FOXF2: variants seen among roughly 807,000 people sequenced by gnomAD.
The protein encoded by FOXF2 is forkhead box F2.
FOXF2 carries 15 observed loss-of-function variants against 29.1 expected under a neutral mutation model. The observed-to-expected ratio is 0.52, with a 90% confidence interval of 0.35 to 0.79. The LOEUF (loss-of-function observed/expected upper bound fraction) is 0.79, where lower values mean the gene tolerates loss of function less well. FOXF2 is among the 30% of genes least tolerant of loss of function. The pLI is 0.01. For missense variants in FOXF2, 675 were observed against 667.1 expected (o/e 1.01, Z -0.13); for synonymous variants, 337 against 316.5 (o/e 1.06, Z -0.69).
intron 1 of FOXF2, among the ~76,000 whole-genome samples, chr6:1,393,511 T>C (rs1758838397): frequency 6.6e-6 from 1 of 151,986 alleles, no homozygotes; most frequent in Non-Finnish European, 1.5e-5. Flanking sequence ...GGCAGCTGCG[T>C]TAGCGCAGCG....
Position 1,395,186 on chromosome 6 carries a change from G to GA in FOXF2, c.*333dup, listed in dbSNP as rs1308695843. On this transcript the variant is annotated 3_prime_UTR_variant, in exon 2 of 2. Transcript: ENST00000645481. The stretch of plus-strand genomic sequence containing the variant: ...TCGTTGCCTTCAGTAATCAGGGTGT[G>GA]AAAAAAGCAGACAAGTTGTGTGTGT... The GA allele has an allele frequency of 1.6e-5, 6 of 378,448 alleles. No homozygotes were observed. Among genetic ancestry groups the GA allele is most frequent in the Non-Finnish European group, 3.0e-5 (6 of 202,140 alleles). The allele number at this position is 378,448 out of a possible 1,614,324, so 23.4% of individuals were successfully genotyped here.
rs1351080863 is a variant in FOXF2, at chr6:1,390,231, T to G, written c.284T>G (p.Leu95Arg). ...SGGAKKASSGLRRPEKPPYSY... is the reference protein window; with the variant it reads ...SGGAKKASSGRRRPEKPPYSY... Reference sequence around the variant, plus strand: ...GGCGCCAAGAAGGCGAGCTCGGGGCTGCGGCGGCCCGAGAAGCCGCCCTAC... The same window carrying G: ...GGCGCCAAGAAGGCGAGCTCGGGGCGGCGGCGGCCCGAGAAGCCGCCCTAC... Residue 95 changes from leucine to arginine, a missense_variant, in exon 1 of 2, where the codon CTG becomes CGG. This residue lies in a region of FOXF2 where 220 missense variants were observed against 205.5 expected (regional missense o/e 1.07). Transcript: ENST00000645481. The surrounding 1 kb of genome is among the most constrained non-coding windows in gnomAD (Gnocchi z 8.5). 2.5e-6 allele frequency: 4 copies of G among 1,598,210 alleles called. No individual in the cohort carries two copies. In the Admixed American group the frequency reaches 6.8e-5, roughly 27 times the overall value.
Position 1,390,188 on chromosome 6 carries a change from G to A in FOXF2, c.241G>A (p.Ala81Thr). Residue 81 changes from alanine (A) to threonine (T), a missense_variant, in exon 1 of 2, where the codon GCG (alanine) becomes ACG (threonine). Ala to Thr is a moderately conservative substitution (Grantham distance 58). Around this residue, in one of 3 missense-constraint regions of FOXF2, gnomAD observed 220 missense variants for 205.5 expected, o/e 1.07. Coordinates refer to ENST00000645481, the MANE Select transcript of FOXF2 (RefSeq NM_001452.2). The surrounding 1 kb of genome is among the most constrained non-coding windows in gnomAD (Gnocchi z 8.5). ...CTGCAAGAGCGCGGGCGGCGGCGGC[G>A]CGGGCGCCGGGAGCGGGGGCGCCAA... is the stretch of plus-strand genomic sequence containing the variant. ...AACKSAGGGG[A>T]GAGSGGAKKA... 6.8e-7 allele frequency: 1 copy of A among 1,474,016 alleles called. No individual in the cohort carries two copies. The highest frequency in any genetic ancestry group is 9.0e-7 in the Non-Finnish European group (1 of 1,115,840). 91.3% of individuals were successfully genotyped at this position (1,474,016 alleles called of 1,614,324 possible). A position where few individuals can be genotyped will look rare whatever the true frequency, so the allele number is the denominator to read the frequency against.
In FOXF2 at chr6:1,390,334, C is replaced by T; in HGVS notation, c.387C>T (p.Phe129=). 5 of 1,613,344 alleles carry T rather than the reference C, an allele frequency of 3.1e-6. No individual in the cohort carries two copies. Among genetic ancestry groups the T allele is most frequent in the South Asian group, 2.2e-5 (2 of 91,084 alleles). The stretch of plus-strand genomic sequence containing the variant: ...TGACGCTCAGCGAGATCTACCAGTT[C>T]CTGCAGGCGCGCTTCCCCTTCTTCC... ...KRLTLSEIYQ[F]LQARFPFFRG... is the part of the protein sequence containing the mutation. The change falls in exon 1 of 2, where the codon TTC becomes TTT. Residue 129 remains phenylalanine (F), a synonymous_variant. Coordinates refer to ENST00000645481, the MANE Select transcript of FOXF2 (RefSeq NM_001452.2). The surrounding 1 kb of genome is among the most constrained non-coding windows in gnomAD (Gnocchi z 8.5).
intron 1 of FOXF2, among the ~76,000 whole-genome samples, chr6:1,391,475 C>T (rs1325577681): frequency 6.6e-6 from 1 of 152,230 alleles, no homozygotes; most frequent in Admixed American, 6.5e-5. Flanking sequence ...CTTTGGGGAA[C>T]TTGGTCAGGA....
rs1758736643 is a variant in FOXF2, at chr6:1,389,918, T to A, written c.-30T>A. 22 of 875,714 alleles carry A rather than the reference T, an allele frequency of 2.5e-5. No homozygotes were observed. The highest frequency in any genetic ancestry group is 3.0e-5 in the Non-Finnish European group (22 of 734,078). 54.2% of individuals were successfully genotyped at this position (875,714 alleles called of 1,614,324 possible). ...TCCGCTTCCCGCCCGGGGCCCGCCC[T>A]CGCGGCCCGGCCTCGCTCCCGGGTC... On this transcript the variant is annotated 5_prime_UTR_variant, in exon 1 of 2. Transcript: ENST00000645481.
chr6:1,393,442 C>A (rs1243730150), intron 1 of FOXF2, among the ~76,000 whole-genome samples: 1 of 151,934 alleles, frequency 6.6e-6, no homozygotes, highest in East Asian at 1.9e-4. Flanking sequence ...TGCTTTAACG[C>A]GACGAGGGAA....
Position 1,395,081 on chromosome 6 carries a change from G to A in FOXF2, c.*222G>A, listed in dbSNP as rs999415655. The A allele has an allele frequency of 1.5e-5, 9 of 582,572 alleles. No homozygotes were observed. The highest frequency in any genetic ancestry group is 1.2e-4 in the Admixed American group (4 of 34,172). The allele number at this position is 582,572 out of a possible 1,614,324, so 36.1% of individuals were successfully genotyped here. ...GCGTTCCCCAATCTGAATACCTGCA[G>A]GCTCCCACATGAGGGAGAGGGCAGA... On this transcript the variant is annotated 3_prime_UTR_variant, in exon 2 of 2. Coordinates refer to ENST00000645481, the MANE Select transcript of FOXF2 (RefSeq NM_001452.2).
rs1758765201 is a variant in FOXF2 at position 1,390,661 on chromosome 6, C to T, written c.714C>T (p.His238=). The part of the protein sequence containing the change: ...QAPPSAPLGC[H]SQGGYGGLDM... ...CCCCGTCGGCGCCGCTCGGCTGCCACAGCCAGGGCGGCTACGGCGGCCTCG... is the reference window on the plus strand; with the variant it reads ...CCCCGTCGGCGCCGCTCGGCTGCCATAGCCAGGGCGGCTACGGCGGCCTCG... Residue 238 remains histidine, a synonymous_variant, in exon 1 of 2, where the codon CAC becomes CAT. Transcript: ENST00000645481. The surrounding 1 kb of genome is among the most constrained non-coding windows in gnomAD (Gnocchi z 8.5). 1 of 1,559,388 alleles carries T rather than the reference C, an allele frequency of 6.4e-7. No homozygotes were observed. The highest frequency in any genetic ancestry group is 1.2e-5 in the South Asian group (1 of 86,834).
In FOXF2 at chr6:1,390,070, C is replaced by A. The variant is rs745564988; in HGVS notation, c.123C>A (p.Ala41=). ...CCGCCGCCGCCGCCGCCGCCGCCGC[C>A]CCGGAGACCACCTCCTCCTCCTCGT... ...PPAAAAAAAA[A]PETTSSSSSS... The change falls in exon 1 of 2, where the codon GCC becomes GCA. Residue 41 remains alanine (A), a synonymous_variant. Transcript: ENST00000645481. The surrounding 1 kb of genome is among the most constrained non-coding windows in gnomAD (Gnocchi z 8.5). The A allele has an allele frequency of 2.9e-6, 4 of 1,397,684 alleles. No homozygotes were observed. In the African/African-American group the frequency reaches 4.5e-5, roughly 16 times the overall value. The allele number at this position is 1,397,684 out of a possible 1,614,324, so 86.6% of individuals were successfully genotyped here.
At chr6:1,393,312 T>G (rs1758832615) in intron 1 of FOXF2, among the ~76,000 whole-genome samples, 1 of 151,992 alleles carries the variant, frequency 6.6e-6, no homozygotes, top group African/African-American at 2.4e-5. Flanking sequence ...GAGCTCGGGC[T>G]TCTGTCATCC....
intron 1 of FOXF2, among the ~76,000 whole-genome samples, chr6:1,392,065 G>C (rs1333165616): frequency 6.6e-6 from 1 of 152,108 alleles, no homozygotes; most frequent in African/African-American, 2.4e-5. Flanking sequence ...CCAGTCAAAG[G>C]CAAGGCCCCA....
In FOXF2 at chr6:1,395,055, A is replaced by G. The variant is rs543498688; in HGVS notation, c.*196A>G. 1.3e-4 allele frequency: 77 copies of G among 615,814 alleles called. No homozygotes were observed. Among genetic ancestry groups the G allele is most frequent in the Non-Finnish European group, 2.0e-4 (71 of 348,444 alleles). The allele number at this position is 615,814 out of a possible 1,614,324, so 38.1% of individuals were successfully genotyped here. ...GAAGAAGGACAACCGCTGGCAAGGT[A>G]GCGTTCCCCAATCTGAATACCTGCA... On this transcript the variant is annotated 3_prime_UTR_variant, in exon 2 of 2. Transcript: ENST00000645481.
intron 1 of FOXF2, 71 bp downstream of exon 1, chr6:1,391,189 C>T: frequency 1.3e-6 from 2 of 1,577,970 alleles, no homozygotes; most frequent in Non-Finnish European, 1.7e-6. Context: ...GCGGCCACTG[C>T]CACTCCCACA....
In FOXF2 at chr6:1,390,066, C is replaced by A; in HGVS notation, c.119C>A (p.Ala40Asp). 1 of 1,401,346 alleles carries A rather than the reference C, an allele frequency of 7.1e-7. No homozygotes were observed. The highest frequency in any genetic ancestry group is 9.3e-7 in the Non-Finnish European group (1 of 1,073,584). The allele number at this position is 1,401,346 out of a possible 1,614,324, so 86.8% of individuals were successfully genotyped here. A position where few individuals can be genotyped will look rare whatever the true frequency, so the allele number is the denominator to read the frequency against. Residue 40 changes from alanine to aspartate, a missense_variant, in exon 1 of 2, where the codon GCC becomes GAC. Coordinates refer to ENST00000645481, the MANE Select transcript of FOXF2 (RefSeq NM_001452.2). This position sits in a 1 kb window ranked among gnomAD's most constrained non-coding sequence, Gnocchi z 8.5. ...PPPAAAAAAA[A>D]APETTSSSSS... ...CCCGCCGCCGCCGCCGCCGCCGCCG[C>A]CGCCCCGGAGACCACCTCCTCCTCC...
At chr6:1,394,641 C>T in intron 1 of FOXF2, 55 bp from the exon 2 acceptor site, 1 of 1,555,274 alleles carries the variant, frequency 6.4e-7, no homozygotes, top group Non-Finnish European at 8.9e-7. Context: ...AGACACCCTG[C>T]CATCCACTGG....
At chr6:1,392,440 A>T (rs866078119) in intron 1 of FOXF2, among the ~76,000 whole-genome samples, 1,466 of 143,432 alleles carry the variant, frequency 0.01, 23 homozygotes, top group African/African-American at 0.033. Flanking sequence ...TCAATCACAC[A>T]CACACACACA....
chr6:1,391,037 T>C lies in FOXF2; in HGVS notation c.1090T>C (p.Ser364Pro). Residue 364 changes from serine to proline, a missense_variant, in exon 1 of 2, where the codon TCG becomes CCG. By Grantham distance (74) the Ser-to-Pro change is moderately conservative. Transcript: ENST00000645481. Reference protein sequence around the residue: ...ALTPSSNPAASAGLHSSMSSY... With the variant: ...ALTPSSNPAAPAGLHSSMSSY... ...GACGCCCAGCAGCAACCCCGCCGCC[T>C]CGGCAGGCCTGCACTCCAGCATGTC... 6.2e-7 allele frequency: 1 copy of C among 1,600,970 alleles called. No homozygotes were observed. Among genetic ancestry groups the C allele is most frequent in the Non-Finnish European group, 8.5e-7 (1 of 1,178,500 alleles).
intron 1 of FOXF2, among the ~76,000 whole-genome samples, chr6:1,392,986 T>C (rs1429000702): frequency 6.6e-6 from 1 of 152,134 alleles, no homozygotes; most frequent in Admixed American, 6.5e-5. Context: ...CCTGTTGCCA[T>C]CTCCCTGGAG....
Sources: gnomAD v4.1 joint callset for allele counts (sites outside exome capture counted in the v4.1 genomes callset) on GRCh38, gnomAD v4.1.1 for gene constraint, gnomAD v4.1.1 regional missense constraint, Gnocchi (gnomAD v3.1) non-coding constraint, MANE v1.5 for transcripts, NCBI Gene and HGNC (gene_info 2026-07-23, HGNC 2026-07-21) for gene names.